NPSR1: variants seen among roughly 807,000 people sequenced by gnomAD.
The protein encoded by NPSR1 is neuropeptide S receptor.
Under a neutral mutation model 46.9 loss-of-function variants are expected in NPSR1, and 48 were observed. That is an observed-to-expected ratio of 1.02 (90% CI 0.81 to 1.30). The LOEUF (loss-of-function observed/expected upper bound fraction) is 1.30, where lower values mean the gene tolerates loss of function less well. NPSR1 is among the 50% of genes most tolerant of loss of function. The probability of loss-of-function intolerance (pLI) is 0.00; values close to 1 mark genes in which losing one functional copy is unlikely to be tolerated. For missense variants in NPSR1, 450 were observed against 449.5 expected (o/e 1.00, Z -0.01); for synonymous variants, 176 against 168.1 (o/e 1.05, Z -0.36).
intron 8 of NPSR1, among the ~76,000 whole-genome samples, chr7:34,857,462 T>C (rs1791075182): frequency 6.6e-6 from 1 of 151,732 alleles, no homozygotes; most frequent in Non-Finnish European, 1.5e-5. Context: ...TGCCCACATA[T>C]AGGTAAACGA....
At chr7:34,739,814 G>T (rs1784853953) in intron 2 of NPSR1, among the ~76,000 whole-genome samples, 1 of 152,156 alleles carries the variant, frequency 6.6e-6, no homozygotes. Context: ...AGGTGGCAGG[G>T]GGGTGAAATG....
At position 34,827,531 on chromosome 7, in the gene NPSR1, C is replaced by A. The variant is rs150717138; in HGVS notation, c.609C>A (p.Asp203Glu). The A allele has an allele frequency of 1.2e-6, 2 of 1,613,724 alleles. No individual in the cohort carries two copies. The highest frequency in any genetic ancestry group is 1.7e-6 in the Non-Finnish European group (2 of 1,179,878). The change falls in exon 5 of 9, where the codon GAC becomes GAA. Residue 203 changes from aspartate (D) to glutamate (E), a missense_variant. Physicochemically the swap from Asp to Glu is conservative, Grantham distance 45. Transcript: ENST00000360581. ...TGCAGTGCTGGGCCCTGTGGCCTGA[C>A]GACTCCTACTGGACCCCATACATGA... The part of the protein sequence containing the change: ...GEVQCWALWP[D>E]DSYWTPYMTI...
intron 8 of NPSR1, among the ~76,000 whole-genome samples, chr7:34,857,413 A>G (rs1380186878): frequency 1.3e-5 from 2 of 151,840 alleles, no homozygotes; most frequent in African/African-American, 4.9e-5. Context: ...TAAAGTAGAC[A>G]ACTTAGCAAA....
intron 2 of NPSR1, among the ~76,000 whole-genome samples, chr7:34,745,719 G>A (rs1027465104): frequency 9.2e-5 from 14 of 152,038 alleles, no homozygotes; most frequent in Non-Finnish European, 1.9e-4. Flanking sequence ...TCACTCTGTT[G>A]CCCAGGCTGG....
intron 2 of NPSR1, among the ~76,000 whole-genome samples, chr7:34,734,683 C>A (rs1784586275): frequency 6.6e-6 from 1 of 152,184 alleles, no homozygotes; most frequent in South Asian, 2.1e-4. Flanking sequence ...GAAGGGAGAT[C>A]TGGATGTTGA....
chr7:34,711,137 CT>C, intron 2 of NPSR1: 1 of 287,850 alleles, frequency 3.5e-6, no homozygotes, highest in Non-Finnish European at 6.9e-6. Flanking sequence ...GCTCAACAAG[CT>C]TAGCATGCTG....
intron 3 of NPSR1, among the ~76,000 whole-genome samples, chr7:34,788,772 C>T (rs1013854858): frequency 1.3e-5 from 2 of 151,846 alleles, no homozygotes; most frequent in Non-Finnish European, 1.5e-5. Context: ...CAGTAAAGAA[C>T]GATTGGATTT....
intron 3 of NPSR1, among the ~76,000 whole-genome samples, chr7:34,808,381 C>A (rs1788811273): frequency 1.3e-5 from 2 of 152,182 alleles, no homozygotes; most frequent in Admixed American, 1.3e-4. Context: ...CATAGCTTAT[C>A]TTTAACTTTT....
downstream of NPSR1, chr7:34,850,032 A>G: frequency 1.0e-6 from 1 of 972,514 alleles, no homozygotes; most frequent in Non-Finnish European, 1.2e-6. Flanking sequence ...TTCTCATTAC[A>G]ATAGAAGAAA....
intron 2 of NPSR1, among the ~76,000 whole-genome samples, chr7:34,743,542 G>T (rs903683088): frequency 1.3e-5 from 2 of 151,872 alleles, no homozygotes; most frequent in African/African-American, 4.8e-5. Context: ...CTGGGTTCAA[G>T]CAATTCTCTG....
At chr7:34,852,333 GAGGA>G (rs899707523), downstream of NPSR1, among the ~76,000 whole-genome samples, 46 of 151,912 alleles carry the variant, frequency 3.0e-4, no homozygotes, top group African/African-American at 1.0e-3. Flanking sequence ...GAGAGAGAGA[GAGGA>G]AGGGAGGAAG....
chr7:34,778,435 A>G (rs1164425657), intron 2 of NPSR1, 27 bp from the exon 3 acceptor site: 1 of 1,275,652 alleles, frequency 7.8e-7, no homozygotes, highest in Non-Finnish European at 1.1e-6. Context: ...TAAACCCTGA[A>G]TGTAAGCACT....
intron 1 of NPSR1, among the ~76,000 whole-genome samples, chr7:34,674,553 G>A (rs1393500273): frequency 6.6e-6 from 1 of 152,204 alleles, no homozygotes. Context: ...TCTTCTCACT[G>A]AGAAGTGACA....
At chr7:34,816,084 A>C (rs1789237278) in intron 4 of NPSR1, among the ~76,000 whole-genome samples, 4 of 151,980 alleles carry the variant, frequency 2.6e-5, no homozygotes, top group Non-Finnish European at 5.9e-5. Flanking sequence ...CTTAAATGTA[A>C]ATGGGCTAAA....
chr7:34,747,352 C>T (rs1235541815), intron 2 of NPSR1, among the ~76,000 whole-genome samples: 2 of 152,210 alleles, frequency 1.3e-5, no homozygotes, highest in Non-Finnish European at 1.5e-5. Context: ...AATGCCTATG[C>T]GAGTGTCTAG....
chr7:34,690,116 C>T (rs968026631), intron 2 of NPSR1, among the ~76,000 whole-genome samples: 2 of 152,058 alleles, frequency 1.3e-5, no homozygotes, highest in African/African-American at 2.4e-5. Flanking sequence ...TTTGGGAAAG[C>T]CACCATACAA....
At chr7:34,844,204 G>A (rs528943601) in intron 6 of NPSR1, among the ~76,000 whole-genome samples, 27 of 152,144 alleles carry the variant, frequency 1.8e-4, no homozygotes, top group Non-Finnish European at 3.4e-4. Context: ...ACCACTGCTC[G>A]ACTAATGAGA....
chr7:34,823,307 G>A (rs1157107694), intron 4 of NPSR1, among the ~76,000 whole-genome samples: 2 of 149,360 alleles, frequency 1.3e-5, no homozygotes, highest in African/African-American at 2.5e-5. Context: ...CACAAGAATC[G>A]CTTGAACCTG....
chr7:34,718,895 T>C (rs188729542), intron 2 of NPSR1: 2 of 152,354 alleles, frequency 1.3e-5, no homozygotes, highest in African/African-American at 4.8e-5. Context: ...TTCAAACATA[T>C]AACATAGAAA....
Sources: gnomAD v4.1 joint callset for allele counts (sites outside exome capture counted in the v4.1 genomes callset) on GRCh38, gnomAD v4.1.1 for gene constraint, MANE v1.5 for transcripts, NCBI Gene and HGNC (gene_info 2026-07-23, HGNC 2026-07-21) for gene names.